PCDHGA2: variants seen among roughly 807,000 people sequenced by gnomAD.
The protein encoded by PCDHGA2 is protocadherin gamma-A2.
A neutral mutation model predicts 59.2 loss-of-function variants in PCDHGA2; 40 were observed. The ratio of observed to expected loss-of-function variants is 0.68; its 90% CI spans 0.52 to 0.88. The LOEUF is 0.88. Among genes scored for constraint, PCDHGA2 ranks in the 40% least tolerant of loss-of-function variants. The pLI is 0.00. For synonymous variants in PCDHGA2, 560 were observed against 526.0 expected (o/e 1.06, Z -0.89); for missense variants, 1,226 against 1,204.0 (o/e 1.02, Z -0.27).
intron 1 of PCDHGA2, chr5:141,421,719 C>T (rs2096595246): frequency 6.2e-7 from 1 of 1,613,942 alleles, no homozygotes; most frequent in Non-Finnish European, 8.5e-7. Flanking sequence ...CAGATGTGGG[C>T]GTGAACTCCC....
chr5:141,412,209 T>G (rs917646798), intron 1 of PCDHGA2: 2 of 152,248 alleles, frequency 1.3e-5, no homozygotes. Flanking sequence ...TCATTTGACA[T>G]AAACACTTAC....
chr5:141,399,998 C>T (rs753846360), intron 1 of PCDHGA2: 37 of 1,612,212 alleles, frequency 2.3e-5, no homozygotes, highest in Non-Finnish European at 2.7e-5. Context: ...GAGGTGCGCA[C>T]AGCGCGTGCC....
intron 1 of PCDHGA2, chr5:141,419,118 T>C: frequency 6.2e-7 from 1 of 1,613,806 alleles, no homozygotes; most frequent in South Asian, 1.1e-5. Context: ...GAGTACAACG[T>C]CACCATCGCA....
At chr5:141,344,084 C>A (rs770017999) in intron 1 of PCDHGA2, 2 of 1,611,182 alleles carry the variant, frequency 1.2e-6, no homozygotes, top group African/African-American at 1.3e-5. Context: ...CCCTGCTGTG[C>A]GCGCTCCTGG....
At chr5:141,366,858 A>G (rs1764831423) in intron 1 of PCDHGA2, 1 of 1,440,284 alleles carries the variant, frequency 6.9e-7, no homozygotes, top group Admixed American at 2.3e-5. Context: ...GTGGAACATT[A>G]TTTGCTGTAT....
intron 1 of PCDHGA2, chr5:141,405,537 A>G (rs2094682119): frequency 3.1e-6 from 2 of 643,630 alleles, no homozygotes; most frequent in Middle Eastern, 4.2e-4. Context: ...CTCCTGCCTC[A>G]GCCTCCCAAG....
intron 1 of PCDHGA2, chr5:141,355,130 A>C (rs573009083): frequency 6.6e-7 from 1 of 1,518,662 alleles, no homozygotes; most frequent in South Asian, 1.3e-5. Context: ...TTGGACCCAG[A>C]AGATCCTGGG....
chr5:141,356,845 A>G (rs1760361286), intron 1 of PCDHGA2: 15 of 1,614,178 alleles, frequency 9.3e-6, no homozygotes, highest in Non-Finnish European at 1.2e-5. Context: ...TGTGTCACTG[A>G]GCCTCTTTGT....
intron 1 of PCDHGA2, among the ~76,000 whole-genome samples, chr5:141,381,590 A>G (rs1588902211): frequency 6.6e-6 from 1 of 152,194 alleles, no homozygotes; most frequent in South Asian, 2.1e-4. Context: ...TCCATTATCC[A>G]GTTTCTTATG....
intron 1 of PCDHGA2, among the ~76,000 whole-genome samples, chr5:141,346,686 T>C (rs1034034390): frequency 1.3e-5 from 2 of 152,174 alleles, no homozygotes; most frequent in Non-Finnish European, 2.9e-5. Context: ...GAAAGTAAAG[T>C]GTCACTTCCT....
At chr5:141,342,532 C>T (rs1472220892) in intron 1 of PCDHGA2, 1 of 152,098 alleles carries the variant, frequency 6.6e-6, no homozygotes, top group Non-Finnish European at 1.5e-5. Context: ...CTTTCCGTTG[C>T]ATTTGATCAA....
At chr5:141,359,102 A>G (rs1459397500) in intron 1 of PCDHGA2, among the ~76,000 whole-genome samples, 6 of 152,232 alleles carry the variant, frequency 3.9e-5, no homozygotes, top group Non-Finnish European at 8.8e-5. Context: ...ATGGTTTTGT[A>G]TTCATAGAAA....
At chr5:141,403,905 A>G in intron 1 of PCDHGA2, 1 of 1,613,894 alleles carries the variant, frequency 6.2e-7, no homozygotes, top group Non-Finnish European at 8.5e-7. Context: ...TATGAAATGG[A>G]AATACAAGCT....
intron 1 of PCDHGA2, among the ~76,000 whole-genome samples, chr5:141,438,579 CATACATACATACAT>C (rs1434774868): frequency 9.0e-5 from 5 of 55,782 alleles, no homozygotes; most frequent in Admixed American, 2.8e-4. Context: ...GATATACATA[CATACATACATACAT>C]ATATATATAT....
chr5:141,418,928 A>T (rs762769886), intron 1 of PCDHGA2: 1 of 1,613,978 alleles, frequency 6.2e-7, no homozygotes, highest in East Asian at 2.2e-5. Context: ...TGATCAGATT[A>T]TGGAGGATTC....
At chr5:141,403,319 G>A (rs776881134) in intron 1 of PCDHGA2, 2 of 1,613,954 alleles carry the variant, frequency 1.2e-6, no homozygotes, top group East Asian at 2.2e-5. Flanking sequence ...AGAAATAGAA[G>A]TAACTGATAT....
intron 1 of PCDHGA2, chr5:141,389,391 G>A (rs544096177): frequency 1.2e-6 from 2 of 1,613,686 alleles, no homozygotes; most frequent in East Asian, 2.2e-5. Flanking sequence ...GTCATCCTAC[G>A]TGTCCATAAG....
chr5:141,477,042 G>A lies in PCDHGA2; in HGVS notation c.2425-17765G>A. ...ACCGGGATGCTGACAATCAAGGGTC[G>A]GCTGGACTTCGAGGACACCAAACTC... On this transcript the variant is annotated intron_variant, in intron 1 of 3. Transcript: ENST00000394576. This position sits in a 1 kb window ranked among gnomAD's most constrained non-coding sequence, Gnocchi z 4.9. 1 of 1,614,238 alleles carries A rather than the reference G, an allele frequency of 6.2e-7. No homozygotes were observed. Among genetic ancestry groups the A allele is most frequent in the Non-Finnish European group, 8.5e-7 (1 of 1,180,040 alleles).
chr5:141,400,106 T>A (rs771937544), intron 1 of PCDHGA2: 1 of 1,613,950 alleles, frequency 6.2e-7, no homozygotes, highest in African/African-American at 1.3e-5. Context: ...CACTTGGTCT[T>A]TGCTGACAGC....
Sources: allele counts gnomAD v4.1 joint callset (sites outside exome capture counted in the v4.1 genomes callset), GRCh38; gene constraint gnomAD v4.1.1; non-coding constraint Gnocchi (gnomAD v3.1); transcripts MANE v1.5; gene names NCBI Gene and HGNC (gene_info 2026-07-23, HGNC 2026-07-21).